The following NEXMIF variants were observed in gnomAD, a reference collection of about 807,000 sequenced individuals.
The protein encoded by NEXMIF is XLMR protein related to neurite extension.
A neutral mutation model predicts 62.1 loss-of-function variants in NEXMIF; 8 were observed. The ratio of observed to expected loss-of-function variants is 0.13; its 90% confidence interval spans 0.08 to 0.23. NEXMIF has a LOEUF of 0.23. Ranked by LOEUF, NEXMIF falls within the 10% of genes least tolerant of loss-of-function variation. The pLI, the probability that NEXMIF is intolerant of heterozygous loss-of-function variation, is 1.00. For synonymous variants in NEXMIF, 404 were observed against 416.6 expected, an observed-to-expected ratio of 0.97 and a Z score of 0.37; for missense variants, 976 against 1,113.3, an observed-to-expected ratio of 0.88 and a Z score of 1.75.
chrX:74,765,128 T>A (rs1174803926), intron 1 of NEXMIF, among the ~76,000 whole-genome samples: 2 of 111,913 alleles, frequency 1.8e-5, no homozygotes, highest in African/African-American at 6.5e-5. Flanking sequence ...GCATATATAT[T>A]TATACTAGTT....
chrX:74,755,691 A>C (rs2080157259), intron 1 of NEXMIF, among the ~76,000 whole-genome samples: 1 of 111,696 alleles, frequency 9.0e-6, no homozygotes, highest in African/African-American at 3.3e-5. Flanking sequence ...AAGTGGTAAA[A>C]CTACTGTTTC....
intron 1 of NEXMIF, among the ~76,000 whole-genome samples, chrX:74,873,752 G>A (rs1415242834): frequency 2.7e-5 from 3 of 112,121 alleles, no homozygotes; most frequent in South Asian, 3.7e-4. Flanking sequence ...GTGATGATGA[G>A]CATTTTTTCA....
intron 1 of NEXMIF, among the ~76,000 whole-genome samples, chrX:74,845,072 A>G (rs1000113295): frequency 9.8e-5 from 11 of 112,166 alleles, no homozygotes; most frequent in African/African-American, 3.6e-4. Context: ...TACATATATC[A>G]CTTCTTAACT....
intron 1 of NEXMIF, among the ~76,000 whole-genome samples, chrX:74,835,870 C>T (rs986542401): frequency 5.4e-5 from 6 of 112,040 alleles, no homozygotes; most frequent in African/African-American, 1.9e-4. Context: ...TCCTCCATGC[C>T]ACAAGCTGGT....
rs1169451214 is a variant in NEXMIF at position 74,743,184 on chromosome X, T to A, written c.1373A>T (p.Asp458Val). The A allele has an allele frequency of 1.7e-6, 2 of 1,210,472 alleles. No individual in the cohort carries two copies. The highest frequency in any genetic ancestry group is 4.4e-5 in the Admixed American group (2 of 45,892). ...GTCCCGAGCCATATAGCGACTACAG[T>A]CCTTGATCTCACCCATAGCATCATA... ...ISYDAMGEIK[D>V]CSRYMARDTN... Residue 458 changes from aspartate (D) to valine (V), a missense_variant, in exon 3 of 4, where the codon GAC becomes GTC. Asp to Val is a radical substitution (Grantham distance 152). Coordinates refer to ENST00000055682, the MANE Select transcript of NEXMIF (RefSeq NM_001008537.3).
chrX:74,847,748 CCTT>C (rs1381626195), intron 1 of NEXMIF, among the ~76,000 whole-genome samples: 1 of 111,472 alleles, frequency 9.0e-6, no homozygotes, highest in East Asian at 2.8e-4. Context: ...GTCTTTAACA[CCTT>C]CTTCATTATT....
rs1381440484 is a variant in NEXMIF, at chrX:74,918,767, A to T, written c.-48+6116T>A. Reference sequence around the variant, plus strand: ...AAAATGTTTGCAGAAGCAACTCTAAATGGCTCCATTTTTTTTCTTGTCTGC... The same window carrying T: ...AAAATGTTTGCAGAAGCAACTCTAATTGGCTCCATTTTTTTTCTTGTCTGC... On this transcript the variant is annotated intron_variant, in intron 1 of 3. Coordinates refer to ENST00000055682, the MANE Select transcript of NEXMIF (RefSeq NM_001008537.3). Among the ~76,000 whole-genome samples the T allele has an allele frequency of 2.7e-5, 3 of 111,828 alleles. No individual in the cohort carries two copies. The East Asian group carries it at 8.4e-4, about 31-fold the overall frequency.
At chrX:74,756,454 T>C (rs982161445) in intron 1 of NEXMIF, among the ~76,000 whole-genome samples, 1 of 111,027 alleles carries the variant, frequency 9.0e-6, no homozygotes, top group Non-Finnish European at 1.9e-5. Flanking sequence ...AATAAGGCCA[T>C]GTCCCCCCAC....
chrX:74,874,563 A>C (rs1479925781), intron 1 of NEXMIF, among the ~76,000 whole-genome samples: 5 of 100,795 alleles, frequency 5.0e-5, no homozygotes, highest in Non-Finnish European at 1.0e-4. Context: ...GATGGCATTG[A>C]ATCTGTAAAT....
At chrX:74,810,007 A>C (rs934896080) in intron 1 of NEXMIF, among the ~76,000 whole-genome samples, 3 of 111,954 alleles carry the variant, frequency 2.7e-5, no homozygotes, top group African/African-American at 9.7e-5. Context: ...AAGATCTACC[A>C]AGAGGAAGAA....
At chrX:74,902,582 T>C (rs6647563) in intron 1 of NEXMIF, among the ~76,000 whole-genome samples, 14,050 of 110,377 alleles carry the variant, frequency 0.13, 1,559 homozygotes, top group East Asian at 0.91. Context: ...TCTGGGCTCA[T>C]GTATCTCCTT....
intron 1 of NEXMIF, among the ~76,000 whole-genome samples, chrX:74,825,888 A>C (rs1012392946): frequency 6.2e-5 from 7 of 112,527 alleles, no homozygotes; most frequent in Middle Eastern, 4.2e-3. Context: ...TATAGTGTAT[A>C]TGTACCACAT....
chrX:74,776,988 AG>A (rs991208085), intron 1 of NEXMIF, among the ~76,000 whole-genome samples: 1 of 111,167 alleles, frequency 9.0e-6, no homozygotes, highest in African/African-American at 3.3e-5. Flanking sequence ...TTAAACAACA[AG>A]CTGGGGGAAA....
At chrX:74,872,927 TTTTA>T (rs1417795417) in intron 1 of NEXMIF, among the ~76,000 whole-genome samples, 1 of 110,546 alleles carries the variant, frequency 9.0e-6, no homozygotes, top group Non-Finnish European at 1.9e-5. Context: ...TGCCTTATTT[TTTTA>T]TTTTTTATTT....
At chrX:74,740,034 T>C (rs1162043831) in intron 3 of NEXMIF, 66 bp downstream of exon 3, 2 of 1,022,301 alleles carry the variant, frequency 2.0e-6, no homozygotes, top group Admixed American at 2.7e-5. Context: ...AATGAGGGAC[T>C]GCGGGCTTAG....
intron 1 of NEXMIF, among the ~76,000 whole-genome samples, chrX:74,873,894 C>G (rs1457731834): frequency 9.0e-6 from 1 of 110,507 alleles, no homozygotes; most frequent in East Asian, 2.8e-4. Context: ...GGATATTAGC[C>G]CTTTGTCAGA....
At chrX:74,892,669 C>T (rs1404057738) in intron 1 of NEXMIF, among the ~76,000 whole-genome samples, 3 of 112,162 alleles carry the variant, frequency 2.7e-5, no homozygotes, top group African/African-American at 9.7e-5. Context: ...CAACATCAGC[C>T]ACCTCATTTG....
chrX:74,761,042 T>G (rs1313792858), intron 1 of NEXMIF, among the ~76,000 whole-genome samples: 1 of 109,396 alleles, frequency 9.1e-6, no homozygotes, highest in Non-Finnish European at 1.9e-5. Flanking sequence ...TGATTTTTTT[T>G]GTATTTTTAG....
chrX:74,908,736 T>C (rs1340618341), intron 1 of NEXMIF, among the ~76,000 whole-genome samples: 1 of 112,573 alleles, frequency 8.9e-6, no homozygotes, highest in Non-Finnish European at 1.9e-5. Flanking sequence ...GTGGCTGATA[T>C]GGTTTGGCTC....
Sources: allele counts gnomAD v4.1 joint callset (sites outside exome capture counted in the v4.1 genomes callset), GRCh38; gene constraint gnomAD v4.1.1; transcripts MANE v1.5; gene names NCBI Gene and HGNC (gene_info 2026-07-23, HGNC 2026-07-21).